ASCC2: variants seen among roughly 807,000 people sequenced by gnomAD.
The protein encoded by ASCC2 is ASC-1 complex subunit P100.
Under a neutral mutation model 93.5 loss-of-function variants are expected in ASCC2, and 42 were observed. The ratio of observed to expected loss-of-function variants is 0.45; its 90% CI spans 0.35 to 0.58. The LOEUF (loss-of-function observed/expected upper bound fraction) is 0.58. Among genes scored for constraint, ASCC2 ranks in the 20% least tolerant of loss-of-function variants. The probability of loss-of-function intolerance (pLI) is 0.00; values close to 1 mark genes in which losing one functional copy is unlikely to be tolerated. For synonymous variants in ASCC2, 364 were observed against 384.2 expected (o/e 0.95, Z 0.62); for missense variants, 859 against 977.6 (o/e 0.88, Z 1.62).
At chr22:29,828,684 C>T (rs1460077411) in intron 2 of ASCC2, among the ~76,000 whole-genome samples, 1 of 152,148 alleles carries the variant, frequency 6.6e-6, no homozygotes, top group Non-Finnish European at 1.5e-5. Flanking sequence ...CTGTGCTCAC[C>T]TCTCTATACC....
intron 5 of ASCC2, among the ~76,000 whole-genome samples, chr22:29,816,934 G>A (rs960081027): frequency 6.6e-6 from 1 of 152,200 alleles, no homozygotes; most frequent in Non-Finnish European, 1.5e-5. Context: ...AAGGCTGGCT[G>A]ATGGTCAGGA....
intron 15 of ASCC2, among the ~76,000 whole-genome samples, chr22:29,798,968 G>A (rs1462968770): frequency 6.6e-6 from 1 of 152,244 alleles, no homozygotes. Flanking sequence ...TGCCAGCCCA[G>A]AGGGCCCCAG....
At chr22:29,808,650 C>A (rs767322630) in intron 8 of ASCC2, among the ~76,000 whole-genome samples, 1 of 151,756 alleles carries the variant, frequency 6.6e-6, no homozygotes, top group South Asian at 2.1e-4. Flanking sequence ...TGGTGAAACT[C>A]CATCTCTACA....
chr22:29,794,470 C>T (rs1048641107), intron 15 of ASCC2, among the ~76,000 whole-genome samples: 10 of 151,776 alleles, frequency 6.6e-5, no homozygotes, highest in South Asian at 2.1e-4. Flanking sequence ...CCAGCCTGGG[C>T]GACAGTGCAA....
chr22:29,804,574 C>T (rs2059458404), intron 13 of ASCC2, 64 bp downstream of exon 13: 1 of 1,561,264 alleles, frequency 6.4e-7, no homozygotes, highest in Admixed American at 1.8e-5. Context: ...CCTGCTGCCC[C>T]AGCCTCTCAG....
rs60805530 is a variant in ASCC2 at position 29,831,962 on chromosome 22, G to A, written c.81+283C>T. Among the ~76,000 whole-genome samples, 17 of 152,166 alleles carry A rather than the reference G, an allele frequency of 1.1e-4. No homozygotes were observed. In the South Asian group the frequency reaches 3.1e-3, roughly 28 times the overall value. ...TTTGGGCTGGATCCATTTCTAGCCC[G>A]ATCCAGGCTGAATTAGAACTGCCAT... On this transcript the variant is annotated intron_variant, in intron 2 of 19. Coordinates refer to ENST00000307790, the MANE Select transcript of ASCC2 (RefSeq NM_032204.5).
intron 2 of ASCC2, among the ~76,000 whole-genome samples, chr22:29,828,108 T>A (rs1336245713): frequency 4.6e-5 from 7 of 152,268 alleles, no homozygotes; most frequent in Middle Eastern, 3.4e-3. Flanking sequence ...CAGAAGGGAA[T>A]TAATAGCACC....
intron 5 of ASCC2, among the ~76,000 whole-genome samples, chr22:29,817,407 T>C (rs1292565584): frequency 6.7e-6 from 1 of 149,530 alleles, no homozygotes; most frequent in Non-Finnish European, 1.5e-5. Flanking sequence ...GGCCACCCTT[T>C]CCCCCTTCCC....
Position 29,793,439 on chromosome 22 carries a change from C to T in ASCC2, c.1840G>A (p.Asp614Asn), listed in dbSNP as rs2058030074. Residue 614 changes from aspartate (D) to asparagine (N), a missense_variant, in exon 17 of 20, where the codon GAT becomes AAT. Coordinates refer to ENST00000307790, the MANE Select transcript of ASCC2 (RefSeq NM_032204.5). ...SLPYHSVYYE[D>N]EYDDTYDGNQ... The stretch of plus-strand genomic sequence containing the variant: ...CCATCGTATGTGTCATCGTACTCAT[C>T]CTCGTAGTAGACACTGTGGTAGGGC... 6.2e-7 allele frequency: 1 copy of T among 1,614,038 alleles called. No homozygotes were observed. Among genetic ancestry groups the T allele is most frequent in the Non-Finnish European group, 8.5e-7 (1 of 1,180,040 alleles).
chr22:29,824,980 C>A, intron 4 of ASCC2, 107 bp downstream of exon 4: 4 of 1,088,966 alleles, frequency 3.7e-6, no homozygotes, highest in Non-Finnish European at 3.7e-6. Flanking sequence ...GGAAGAGAGA[C>A]AAAGAGGAAA....
Position 29,803,796 on chromosome 22 carries a change from T to A in ASCC2, c.1353+842A>T, listed in dbSNP as rs577211743. ...AAATGGGGAAGAAGGTGGGAAAAGGTGAAGGAGGCCATTGTTCTCCAAGGC... is the reference window on the plus strand; with the variant it reads ...AAATGGGGAAGAAGGTGGGAAAAGGAGAAGGAGGCCATTGTTCTCCAAGGC... On this transcript the variant is annotated intron_variant, in intron 13 of 19. Transcript: ENST00000307790. Among the ~76,000 whole-genome samples, 4 of 152,180 alleles carry A rather than the reference T, an allele frequency of 2.6e-5. No homozygotes were observed. The South Asian group carries it at 8.3e-4, about 32-fold the overall frequency.
At chr22:29,792,310 C>T in intron 18 of ASCC2, 123 bp downstream of exon 18, 1 of 1,509,016 alleles carries the variant, frequency 6.6e-7, no homozygotes, top group South Asian at 1.3e-5. Context: ...AGGGACTCCT[C>T]CTGTCCCTGC....
At position 29,814,049 on chromosome 22, in the gene ASCC2, G is replaced by A. The variant is rs561965281; in HGVS notation, c.721-507C>T. 7.9e-5 allele frequency among the ~76,000 whole-genome samples: 12 copies of A among 152,284 alleles called. No individual in the cohort carries two copies. The East Asian group carries it at 1.5e-3, about 20-fold the overall frequency. On this transcript the variant is annotated intron_variant, in intron 7 of 19. Coordinates refer to ENST00000307790, the MANE Select transcript of ASCC2 (RefSeq NM_032204.5). ...TCTTTATTTTACAGAAAAGGAAACC[G>A]AGGTTCCGAGAGGTAAAATGATTTG...
rs756177123 is a variant in ASCC2 at position 29,822,299 on chromosome 22, T to C, written c.541+36A>G. 5 of 1,610,548 alleles carry C rather than the reference T, an allele frequency of 3.1e-6. No individual in the cohort carries two copies. In the South Asian group the frequency reaches 4.4e-5, roughly 14 times the overall value. On this transcript the variant is annotated intron_variant, in intron 5 of 19. Transcript: ENST00000307790. ...CCTTTAGTTTGGCATGTGGGGGCCA[T>C]CTTGGTGCATCCTCCCAGTCCTGCA...
intron 9 of ASCC2, among the ~76,000 whole-genome samples, 160 bp downstream of exon 9, chr22:29,807,951 T>A (rs544356948): frequency 6.7e-6 from 1 of 149,150 alleles, no homozygotes; most frequent in East Asian, 2.0e-4. Context: ...AATGCAGAGG[T>A]CAGGAAGTGG....
At chr22:29,808,058 T>G (rs1249337607) in intron 9 of ASCC2, 53 bp downstream of exon 9, 1 of 1,585,600 alleles carries the variant, frequency 6.3e-7, no homozygotes, top group African/African-American at 1.3e-5. Flanking sequence ...GGCAGGGCCC[T>G]GCTCGGGCCT....
chr22:29,811,812 T>A (rs561120041), intron 8 of ASCC2, among the ~76,000 whole-genome samples: 3 of 152,188 alleles, frequency 2.0e-5, no homozygotes, highest in Non-Finnish European at 2.9e-5. Flanking sequence ...TGTGCCACAT[T>A]TGGGGAAACA....
At chr22:29,822,121 G>T in intron 5 of ASCC2, 1 of 608,486 alleles carries the variant, frequency 1.6e-6, no homozygotes, top group Non-Finnish European at 2.8e-6. Flanking sequence ...CTGGGGAACT[G>T]TCTGGTACAC....
intron 5 of ASCC2, among the ~76,000 whole-genome samples, chr22:29,821,037 GGCGTCCAGGGTGAGCACC>G (rs1454623467): frequency 2.6e-5 from 4 of 152,140 alleles, no homozygotes; most frequent in African/African-American, 9.7e-5. Flanking sequence ...AGCTGGCAAG[GGCGTCCAGGGTGAGCACC>G]CCTCTGTGCC....
Sources: allele counts gnomAD v4.1 joint callset (sites outside exome capture counted in the v4.1 genomes callset), GRCh38; gene constraint gnomAD v4.1.1; transcripts MANE v1.5; gene names NCBI Gene and HGNC (gene_info 2026-07-23, HGNC 2026-07-21).